CARMIL1: variants seen among roughly 807,000 people sequenced by gnomAD.
CARMIL1 encodes F-actin-uncapping protein LRRC16A.
A neutral mutation model predicts 177.1 loss-of-function variants in CARMIL1; 90 were observed. The observed-to-expected ratio is 0.51, with a 90% CI of 0.43 to 0.61. CARMIL1 has a LOEUF of 0.61. CARMIL1 is among the 20% of genes least tolerant of loss of function. The pLI, the probability that CARMIL1 is intolerant of heterozygous loss-of-function variation, is 0.00. For synonymous variants in CARMIL1, 577 were observed against 606.2 expected (o/e 0.95, Z 0.71); for missense variants, 1,380 against 1,667.0 (o/e 0.83, Z 3.00).
intron 8 of CARMIL1, among the ~76,000 whole-genome samples, chr6:25,457,900 G>GC (rs1799684530): frequency 6.6e-6 from 1 of 152,172 alleles, no homozygotes. Context: ...TGTAGGGCTT[G>GC]CTAGATGTCC....
At chr6:25,299,740 C>T (rs1782700437) in intron 2 of CARMIL1, among the ~76,000 whole-genome samples, 1 of 151,818 alleles carries the variant, frequency 6.6e-6, no homozygotes, top group Non-Finnish European at 1.5e-5. Context: ...CTTTGGGAGG[C>T]CGAGGCGAGC....
At chr6:25,501,047 C>G (rs1804272054) in intron 17 of CARMIL1, among the ~76,000 whole-genome samples, 1 of 152,118 alleles carries the variant, frequency 6.6e-6, no homozygotes, top group Non-Finnish European at 1.5e-5. Context: ...CAGACGTGAG[C>G]CACTGCGCCC....
intron 2 of CARMIL1, among the ~76,000 whole-genome samples, chr6:25,364,572 C>CT (rs199573991): frequency 4.0e-5 from 6 of 150,580 alleles, no homozygotes; most frequent in Admixed American, 1.3e-4. Context: ...TCTTTTTCTT[C>CT]TTTTTTTTGA....
At chr6:25,475,385 A>G (rs926531683) in intron 11 of CARMIL1, among the ~76,000 whole-genome samples, 1 of 151,172 alleles carries the variant, frequency 6.6e-6, no homozygotes, top group African/African-American at 2.4e-5. Flanking sequence ...TGGGTGAGAG[A>G]GTGAGACTCC....
At chr6:25,393,181 A>G (rs1202409281) in intron 2 of CARMIL1, among the ~76,000 whole-genome samples, 4 of 152,128 alleles carry the variant, frequency 2.6e-5, no homozygotes, top group Admixed American at 6.6e-5. Context: ...TGAATTTCTG[A>G]AATAGCAATG....
At chr6:25,325,246 C>G (rs1784977495) in intron 2 of CARMIL1, among the ~76,000 whole-genome samples, 1 of 152,094 alleles carries the variant, frequency 6.6e-6, no homozygotes, top group African/African-American at 2.4e-5. Flanking sequence ...TTCATTGAAA[C>G]TTGAATACGT....
Position 25,577,127 on chromosome 6 carries a change from A to C in CARMIL1, c.2743-3797A>C. The C allele has an allele frequency of 1.0e-6, 1 of 985,332 alleles. No homozygotes were observed. The highest frequency in any genetic ancestry group is 4.7e-5 in the South Asian group (1 of 21,284). The allele number at this position is 985,332 out of a possible 1,614,324, so 61.0% of individuals were successfully genotyped here. A position where few individuals can be genotyped will look rare whatever the true frequency, so the allele number is the denominator to read the frequency against. On this transcript the variant is annotated intron_variant, in intron 29 of 36. Transcript: ENST00000329474. The surrounding 1 kb of genome is among the most constrained non-coding windows in gnomAD (Gnocchi z 4.5). ...TCATCCATCTGCAGATCCTGAATGA[A>C]ATAGGCAACAATTTAGAGACAAGAT... is the stretch of plus-strand genomic sequence containing the variant.
In CARMIL1 at chr6:25,551,077, C is replaced by T. The variant is rs1810053598; in HGVS notation, c.2496C>T (p.Asn832=). The T allele has an allele frequency of 6.2e-7, 1 of 1,612,166 alleles. No individual in the cohort carries two copies. Among genetic ancestry groups the T allele is most frequent in the Non-Finnish European group, 8.5e-7 (1 of 1,179,020 alleles). Reference sequence around the variant, plus strand: ...AGCAGTCTGGAATTGATATCCTTAACAAAATTAGGTAGGTTTATAATGTTA... The same window carrying T: ...AGCAGTCTGGAATTGATATCCTTAATAAAATTAGGTAGGTTTATAATGTTA... ...LLEQSGIDIL[N]KISEVKLTVA... is the part of the protein sequence containing the mutation. The change falls in exon 27 of 37, where the codon AAC becomes AAT. Residue 832 remains asparagine (N), a synonymous_variant. Transcript: ENST00000329474.
chr6:25,356,080 T>A (rs1193315705), intron 2 of CARMIL1, among the ~76,000 whole-genome samples: 2 of 149,684 alleles, frequency 1.3e-5, no homozygotes, highest in African/African-American at 4.9e-5. Flanking sequence ...AGACGGAGTT[T>A]CGCTCTGTCG....
intron 27 of CARMIL1, among the ~76,000 whole-genome samples, chr6:25,553,292 A>C (rs754050170): frequency 6.6e-6 from 1 of 152,218 alleles, no homozygotes. Context: ...GAGAACACAC[A>C]TGAAAGTGGA....
intron 5 of CARMIL1, among the ~76,000 whole-genome samples, chr6:25,441,320 C>CAAACAT (rs765704301): frequency 1.4e-4 from 14 of 99,628 alleles, no homozygotes; most frequent in African/African-American, 4.4e-4. Flanking sequence ...AACAAACAAA[C>CAAACAT]ATATATATAT....
chr6:25,585,715 C>T (rs1467282960), intron 31 of CARMIL1, among the ~76,000 whole-genome samples: 3 of 152,018 alleles, frequency 2.0e-5, no homozygotes, highest in Non-Finnish European at 4.4e-5. Context: ...GTGTTTGTGT[C>T]CCTGGGTACT....
chr6:25,295,425 C>G (rs1782305754), intron 2 of CARMIL1, among the ~76,000 whole-genome samples: 1 of 152,150 alleles, frequency 6.6e-6, no homozygotes, highest in Admixed American at 6.5e-5. Flanking sequence ...TTATAACTGT[C>G]CATGTCCTCA....
chr6:25,443,682 C>T (rs1349730662), intron 5 of CARMIL1, among the ~76,000 whole-genome samples: 2 of 152,204 alleles, frequency 1.3e-5, no homozygotes, highest in Admixed American at 6.5e-5. Context: ...AAAATGCTAA[C>T]AGTCACCTGA....
chr6:25,280,402 G>C (rs1048164075), intron 1 of CARMIL1, among the ~76,000 whole-genome samples: 5 of 152,258 alleles, frequency 3.3e-5, no homozygotes, highest in African/African-American at 1.2e-4. Context: ...GGTGTGGCTT[G>C]GTGTAGCCAG....
rs1272374766 is a variant in CARMIL1 at position 25,390,309 on chromosome 6, TATA to T, written c.139-29804_139-29802del. ...ATATATTTACATATATATATATATA[TATA>T]TATATATATTTTTTTTTTTTTTTTT... On this transcript the variant is annotated intron_variant, in intron 2 of 36. Transcript: ENST00000329474. Among the ~76,000 whole-genome samples, 26 of 64,140 alleles carry T rather than the reference TATA, an allele frequency of 4.1e-4. 1 individual carries two copies. In the East Asian group the frequency reaches 6.8e-3, roughly 17 times the overall value. 42.1% of individuals were successfully genotyped at this position (64,140 alleles called of 152,430 possible).
intron 2 of CARMIL1, among the ~76,000 whole-genome samples, chr6:25,387,153 A>C (rs1792270617): frequency 6.6e-6 from 1 of 150,952 alleles, no homozygotes; most frequent in Admixed American, 6.6e-5. Context: ...ACTAGATAAC[A>C]CTCTATGATG....
At position 25,426,646 on chromosome 6, in the gene CARMIL1, A is replaced by G. The variant is rs116129632; in HGVS notation, c.249+86A>G. On this transcript the variant is annotated intron_variant, in intron 4 of 36. Transcript: ENST00000329474. The stretch of plus-strand genomic sequence containing the variant: ...AAATGTTCCTTGAGACAATGTGGAT[A>G]AACAAGGTTAGGGAAGATGAAATTT... 2.1e-4 allele frequency: 269 copies of G among 1,263,682 alleles called. 2 individuals are homozygous for G. In the African/African-American group the frequency reaches 3.7e-3, roughly 18 times the overall value. 78.3% of individuals were successfully genotyped at this position (1,263,682 alleles called of 1,614,324 possible). A position where few individuals can be genotyped will look rare whatever the true frequency, so the allele number is the denominator to read the frequency against.
In CARMIL1 at chr6:25,556,836, C is replaced by G. The variant is rs1248187483; in HGVS notation, c.2728C>G (p.Leu910Val). The change falls in exon 29 of 37, where the codon CTG becomes GTG. Residue 910 changes from leucine (L) to valine (V), a missense_variant. Transcript: ENST00000329474. The part of the protein sequence containing the change: ...ELTEIERLED[L>V]DTCMMTPKSK... ...AACAGAGATAGAGCGTTTGGAAGAT[C>G]TGGATACCTGTATGGTAAGACACAT... 1 of 1,612,846 alleles carries G rather than the reference C, an allele frequency of 6.2e-7. No homozygotes were observed. The highest frequency in any genetic ancestry group is 1.7e-5 in the Admixed American group (1 of 59,892).
Sources: gnomAD v4.1 joint callset for allele counts (sites outside exome capture counted in the v4.1 genomes callset) on GRCh38, gnomAD v4.1.1 for gene constraint, Gnocchi (gnomAD v3.1) non-coding constraint, MANE v1.5 for transcripts, NCBI Gene and HGNC (gene_info 2026-07-23, HGNC 2026-07-21) for gene names.